ATP8A2: variants seen among roughly 807,000 people sequenced by gnomAD.
ATP8A2 encodes the protein phospholipid-transporting ATPase IB.
In ATP8A2, 100 loss-of-function variants were observed where a neutral mutation model predicts 165.6. The ratio of observed to expected loss-of-function variants is 0.60; its 90% CI spans 0.51 to 0.71. The LOEUF is 0.71. ATP8A2 is among the 30% of genes least tolerant of loss of function. ATP8A2 has a pLI of 0.00. For synonymous variants in ATP8A2, 543 were observed against 548.8 expected (o/e 0.99, Z 0.15); for missense variants, 1,227 against 1,479.5 (o/e 0.83, Z 2.80).
intron 28 of ATP8A2, among the ~76,000 whole-genome samples, chr13:25,834,147 A>T (rs1951547793): frequency 6.6e-6 from 1 of 152,256 alleles, no homozygotes; most frequent in South Asian, 2.1e-4. Context: ...GATAACCAAC[A>T]ATTGTATGAA....
At chr13:25,564,605 G>C (rs767435824) in intron 16 of ATP8A2, among the ~76,000 whole-genome samples, 9 of 152,194 alleles carry the variant, frequency 5.9e-5, no homozygotes, top group Non-Finnish European at 8.8e-5. Context: ...CAGTCTGTTA[G>C]ATTTTTAACT....
chr13:25,717,430 A>AAAAAC (rs1555254275), intron 25 of ATP8A2, among the ~76,000 whole-genome samples: 1 of 151,424 alleles, frequency 6.6e-6, no homozygotes, highest in Non-Finnish European at 1.5e-5. Context: ...AAAAAAAAAA[A>AAAAAC]AAAAAACACC....
At chr13:25,851,973 G>T (rs1375047747) in intron 30 of ATP8A2, among the ~76,000 whole-genome samples, 2 of 152,174 alleles carry the variant, frequency 1.3e-5, no homozygotes, top group Non-Finnish European at 2.9e-5. Context: ...TTCCTGAGTA[G>T]CTGGGATAAC....
intron 35 of ATP8A2, among the ~76,000 whole-genome samples, chr13:26,010,781 T>C (rs1468737776): frequency 6.6e-6 from 1 of 152,172 alleles, no homozygotes; most frequent in East Asian, 1.9e-4. Context: ...GGAGGACCAG[T>C]GTGAAAGGAT....
In ATP8A2 at chr13:25,971,155, C is replaced by T. The variant is rs149097256; in HGVS notation, c.3377+2476C>T. On this transcript the variant is annotated intron_variant, in intron 35 of 36. Transcript: ENST00000381655. ...CCAGAACACAGTTTGGGGGCTCTGC[C>T]GCTCATCCTCCTCAGTGACCCCCTC... Among the ~76,000 whole-genome samples the T allele has an allele frequency of 2.8e-3, 428 of 152,032 alleles. 3 individuals are homozygous for T. Among genetic ancestry groups the T allele is most frequent in the African/African-American group, 9.3e-3 (387 of 41,468 alleles).
In ATP8A2 at chr13:25,483,750, A is replaced by T. The variant is rs1403957378; in HGVS notation, c.221+14629A>T. Among the ~76,000 whole-genome samples, 3 of 152,204 alleles carry T rather than the reference A, an allele frequency of 2.0e-5. No individual in the cohort carries two copies. In the East Asian group the frequency reaches 5.8e-4, roughly 29 times the overall value. ...ATCCTATGTCTACAAGAAAAAAATAATTAGATGAGAATGTACCTGTTTAAG... is the reference window on the plus strand; with the variant it reads ...ATCCTATGTCTACAAGAAAAAAATATTTAGATGAGAATGTACCTGTTTAAG... On this transcript the variant is annotated intron_variant, in intron 2 of 36. Coordinates refer to ENST00000381655, the MANE Select transcript of ATP8A2 (RefSeq NM_016529.6).
intron 1 of ATP8A2, among the ~76,000 whole-genome samples, chr13:25,420,703 T>C (rs766971507): frequency 1.3e-5 from 2 of 152,166 alleles, no homozygotes; most frequent in African/African-American, 2.4e-5. Flanking sequence ...ATCACAGAAC[T>C]TAAAAAAGAA....
chr13:25,384,429 G>A (rs1261106458), intron 1 of ATP8A2, among the ~76,000 whole-genome samples: 1 of 151,964 alleles, frequency 6.6e-6, no homozygotes, highest in African/African-American at 2.4e-5. Flanking sequence ...CCCTTTTCTG[G>A]TGGCAACTCT....
chr13:25,846,109 A>G (rs1391190833), intron 30 of ATP8A2, among the ~76,000 whole-genome samples: 1 of 152,232 alleles, frequency 6.6e-6, no homozygotes, highest in Non-Finnish European at 1.5e-5. Context: ...TGGGAGGCAG[A>G]GGTTGCAGTG....
intron 24 of ATP8A2, among the ~76,000 whole-genome samples, chr13:25,655,070 T>G (rs546007104): frequency 1.3e-3 from 198 of 152,330 alleles, no homozygotes; most frequent in Non-Finnish European, 7.9e-4. Context: ...TTAGAAGACT[T>G]AGAAGAGTTT....
At chr13:25,629,129 G>T (rs1367939072) in intron 24 of ATP8A2, among the ~76,000 whole-genome samples, 1 of 152,092 alleles carries the variant, frequency 6.6e-6, no homozygotes, top group African/African-American at 2.4e-5. Context: ...TTGAGGACAG[G>T]ATCAAACCAG....
At chr13:25,478,151 T>C (rs1409311912) in intron 2 of ATP8A2, among the ~76,000 whole-genome samples, 1 of 151,974 alleles carries the variant, frequency 6.6e-6, no homozygotes, top group Non-Finnish European at 1.5e-5. Context: ...GATGAGTAGA[T>C]GGGAAAACCC....
At chr13:25,475,367 C>T (rs1037407002) in intron 2 of ATP8A2, among the ~76,000 whole-genome samples, 1 of 152,166 alleles carries the variant, frequency 6.6e-6, no homozygotes, top group African/African-American at 2.4e-5. Flanking sequence ...TTTTTTATGG[C>T]TGCATAGTGT....
At chr13:25,692,138 A>G (rs2042737976) in intron 24 of ATP8A2, among the ~76,000 whole-genome samples, 1 of 152,168 alleles carries the variant, frequency 6.6e-6, no homozygotes, top group Non-Finnish European at 1.5e-5. Flanking sequence ...GGGACAGGAG[A>G]AAGAGATTCA....
At chr13:25,974,021 C>A (rs985695687) in intron 35 of ATP8A2, among the ~76,000 whole-genome samples, 5 of 152,186 alleles carry the variant, frequency 3.3e-5, no homozygotes, top group African/African-American at 1.2e-4. Flanking sequence ...CTGCTTCCAG[C>A]ACCTGGTTGA....
At chr13:25,864,441 T>A (rs1566215635) in intron 33 of ATP8A2, among the ~76,000 whole-genome samples, 1 of 152,146 alleles carries the variant, frequency 6.6e-6, no homozygotes, top group South Asian at 2.1e-4. Flanking sequence ...ACCAGGCTGA[T>A]CATGCAGCTA....
intron 33 of ATP8A2, among the ~76,000 whole-genome samples, chr13:25,869,108 A>G (rs552528294): frequency 6.6e-6 from 1 of 152,036 alleles, no homozygotes; most frequent in East Asian, 1.9e-4. Context: ...TTAATTGGTA[A>G]TAAAGAAAAA....
At chr13:25,929,509 A>G (rs1954704805) in intron 33 of ATP8A2, among the ~76,000 whole-genome samples, 1 of 152,122 alleles carries the variant, frequency 6.6e-6, no homozygotes, top group Non-Finnish European at 1.5e-5. Context: ...TTACATACAA[A>G]CACAACCTGA....
At chr13:26,012,702 C>G in intron 36 of ATP8A2, 80 bp downstream of exon 36, 1 of 267,492 alleles carries the variant, frequency 3.7e-6, no homozygotes, top group Non-Finnish European at 5.2e-6. Flanking sequence ...GGGGAGCGGG[C>G]GCTGATGGGG....
Sources: allele counts gnomAD v4.1 joint callset (sites outside exome capture counted in the v4.1 genomes callset), GRCh38; gene constraint gnomAD v4.1.1; transcripts MANE v1.5; gene names NCBI Gene and HGNC (gene_info 2026-07-23, HGNC 2026-07-21).